Variants in MTHFS observed in about 807,000 individuals in gnomAD.
MTHFS encodes 5-formyltetrahydrofolate cyclo-ligase.
A neutral mutation model predicts 12.7 loss-of-function variants in MTHFS; 7 were observed. The observed-to-expected ratio is 0.55, with a 90% CI of 0.31 to 1.03. The LOEUF is 1.03. Ranked by LOEUF, MTHFS falls within the 50% of genes least tolerant of loss-of-function variation. The pLI, the probability that MTHFS is intolerant of heterozygous loss-of-function variation, is 0.05. For missense variants in MTHFS, 252 were observed against 258.1 expected (o/e 0.98, Z 0.16); for synonymous variants, 100 against 97.1 (o/e 1.03, Z -0.18).
At chr15:79,873,630 C>A (rs1213951441) in intron 2 of MTHFS, among the ~76,000 whole-genome samples, 3 of 152,124 alleles carry the variant, frequency 2.0e-5, no homozygotes, top group Non-Finnish European at 2.9e-5. Flanking sequence ...TGACCAAAGA[C>A]TGAGTAGGAA....
chr15:79,868,948 C>G (rs1419256110), intron 2 of MTHFS, among the ~76,000 whole-genome samples: 1 of 152,008 alleles, frequency 6.6e-6, no homozygotes, highest in Non-Finnish European at 1.5e-5. Context: ...TCTGACTATA[C>G]ACTAGGTGCA....
intron 2 of MTHFS, among the ~76,000 whole-genome samples, chr15:79,878,943 A>T (rs146956865): frequency 2.6e-5 from 4 of 151,114 alleles, no homozygotes; most frequent in African/African-American, 9.8e-5. Flanking sequence ...ATGGAATTAT[A>T]TAAGAGCAAA....
chr15:79,896,137 A>G (rs1318276306), intron 1 of MTHFS, among the ~76,000 whole-genome samples: 8 of 152,230 alleles, frequency 5.3e-5, no homozygotes, highest in African/African-American at 1.9e-4. Flanking sequence ...ACGGACCCTC[A>G]CTTATTCCTC....
Position 79,845,338 on chromosome 15 carries a change from G to A in MTHFS, c.484C>T (p.Gln162Ter), listed in dbSNP as rs771379232. 3.3e-5 allele frequency: 53 copies of A among 1,614,050 alleles called. No individual in the cohort carries two copies. The highest frequency in any genetic ancestry group is 4.2e-5 in the Non-Finnish European group (50 of 1,180,050). ...YYDAYLKRCL[Q>*]HQEVKPYTLA... is the part of the protein sequence containing the mutation. ...GTGTAGGGCTTCACTTCCTGATGCT[G>A]CAAACAGCGCTTCAGATAGGCATCA... Residue 162 changes from glutamine (Q) to a stop codon, truncating the protein, a stop_gained, in exon 3 of 3, where the codon CAG becomes TAG. Transcript: ENST00000258874. LOFTEE classifies it low-confidence loss of function (END_TRUNC).
rs149922688 is a variant in MTHFS at position 79,844,513 on chromosome 15, C to T, written c.*697G>A. ...TTGCCATCTGCCAACTTTCAACTCA[C>T]AGCAAATTTCATTTCCAAAGCAGAA... On this transcript the variant is annotated 3_prime_UTR_variant, in exon 3 of 3. Transcript: ENST00000258874. Among the ~76,000 whole-genome samples the T allele has an allele frequency of 1.3e-5, 2 of 152,182 alleles. No individual in the cohort carries two copies. Among genetic ancestry groups the T allele is most frequent in the African/African-American group, 4.8e-5 (2 of 41,498 alleles).
At chr15:79,874,466 C>G (rs2034155684) in intron 2 of MTHFS, among the ~76,000 whole-genome samples, 1 of 152,154 alleles carries the variant, frequency 6.6e-6, no homozygotes, top group South Asian at 2.1e-4. Flanking sequence ...AGAAAACTGT[C>G]ACTAATTAAT....
intron 2 of MTHFS, among the ~76,000 whole-genome samples, chr15:79,860,522 A>G (rs1468426229): frequency 6.6e-6 from 1 of 152,250 alleles, no homozygotes; most frequent in Non-Finnish European, 1.5e-5. Flanking sequence ...ATTCCCGGAA[A>G]GAAATGGGGC....
intron 2 of MTHFS, among the ~76,000 whole-genome samples, chr15:79,847,669 C>CAAAAAAAAA (rs55956333): frequency 1.3e-5 from 1 of 75,406 alleles, no homozygotes; most frequent in Non-Finnish European, 2.7e-5. Flanking sequence ...GACTCCGTCT[C>CAAAAAAAAA]AAAAAAAAAA....
chr15:79,848,056 G>A (rs1005715287), intron 2 of MTHFS, among the ~76,000 whole-genome samples: 3 of 152,136 alleles, frequency 2.0e-5, no homozygotes, highest in Admixed American at 1.3e-4. Context: ...GCACTCCCAC[G>A]TTCATTGCAC....
Position 79,889,076 on chromosome 15 carries a change from A to G in MTHFS, c.379+17T>C, listed in dbSNP as rs1467961383. 1 of 1,613,262 alleles carries G rather than the reference A, an allele frequency of 6.2e-7. No homozygotes were observed. The highest frequency in any genetic ancestry group is 8.5e-7 in the Non-Finnish European group (1 of 1,179,360). On this transcript the variant is annotated intron_variant, in intron 2 of 2. Coordinates refer to ENST00000258874, the MANE Select transcript of MTHFS (RefSeq NM_006441.4). Reference sequence around the variant, plus strand: ...ACTGGTCATAATCTAACAACATCCTAACACCATAATACTCACCTGTGGACA... The same window carrying G: ...ACTGGTCATAATCTAACAACATCCTGACACCATAATACTCACCTGTGGACA...
chr15:79,865,806 T>G (rs1159996937), intron 2 of MTHFS, among the ~76,000 whole-genome samples: 1 of 152,182 alleles, frequency 6.6e-6, no homozygotes, highest in African/African-American at 2.4e-5. Context: ...GTGGCAAAGC[T>G]CCCTCCGGCA....
intron 2 of MTHFS, among the ~76,000 whole-genome samples, chr15:79,852,493 T>C (rs1275232818): frequency 6.6e-6 from 1 of 152,196 alleles, no homozygotes; most frequent in African/African-American, 2.4e-5. Context: ...ATACCTTCAC[T>C]CTTTCTGCTA....
At chr15:79,887,799 T>C (rs938644204) in intron 2 of MTHFS, among the ~76,000 whole-genome samples, 5 of 152,348 alleles carry the variant, frequency 3.3e-5, no homozygotes, top group Admixed American at 1.3e-4. Context: ...ATCTGGCCTA[T>C]TGATGCAGGA....
chr15:79,860,678 T>C (rs1393053393), intron 2 of MTHFS, among the ~76,000 whole-genome samples: 1 of 158 alleles, frequency 6.3e-3, no homozygotes, highest in East Asian at 0.056. Context: ...ATTTAAGGAT[T>C]TTTTTTTTGA....
intron 2 of MTHFS, among the ~76,000 whole-genome samples, chr15:79,859,035 C>T (rs2033861985): frequency 1.3e-5 from 2 of 152,174 alleles, no homozygotes; most frequent in African/African-American, 2.4e-5. Flanking sequence ...GCAGTAACAA[C>T]ATGACTAGAA....
At chr15:79,887,686 C>A (rs1014636529) in intron 2 of MTHFS, among the ~76,000 whole-genome samples, 1 of 152,194 alleles carries the variant, frequency 6.6e-6, no homozygotes, top group Admixed American at 6.5e-5. Context: ...TAAACCTAGG[C>A]TGCTCTCCAA....
At chr15:79,896,753 G>C (rs974653387) in intron 1 of MTHFS, 119 bp downstream of exon 1, 183 of 1,419,776 alleles carry the variant, frequency 1.3e-4, no homozygotes, top group Non-Finnish European at 1.5e-4. Flanking sequence ...GCGCGCGCCG[G>C]GGGGTGGGGG....
intron 2 of MTHFS, among the ~76,000 whole-genome samples, chr15:79,864,547 C>CAAAAAAAAAAAAAAAAAAAAAA (rs58698908): frequency 1.6e-5 from 1 of 64,514 alleles, no homozygotes; most frequent in Non-Finnish European, 2.7e-5. Context: ...TCCATCTCAA[C>CAAAAAAAAAAAAAAAAAAAAAA]AAAAAAAAAA....
In MTHFS at chr15:79,896,205, T is replaced by C. The variant is rs148029210; in HGVS notation, c.117+667A>G. ...GAAGCCTGGATATGATAGCCAAGTC[T>C]TCCTTTCGTTCACTCAAGAAAAAGC... On this transcript the variant is annotated intron_variant, in intron 1 of 2. Coordinates refer to ENST00000258874, the MANE Select transcript of MTHFS (RefSeq NM_006441.4). 3.1e-3 allele frequency among the ~76,000 whole-genome samples: 476 copies of C among 152,362 alleles called. 2 individuals carry two copies. The highest frequency in any genetic ancestry group is 0.011 in the African/African-American group (449 of 41,586).
Sources: gnomAD v4.1 joint callset for allele counts (sites outside exome capture counted in the v4.1 genomes callset) on GRCh38, gnomAD v4.1.1 for gene constraint, MANE v1.5 for transcripts, NCBI Gene and HGNC (gene_info 2026-07-23, HGNC 2026-07-21) for gene names.